PTPN13: variants seen among roughly 807,000 people sequenced by gnomAD.
PTPN13 encodes tyrosine-protein phosphatase non-receptor type 13.
Under a neutral mutation model 284.0 loss-of-function variants are expected in PTPN13, and 191 were observed. The ratio of observed to expected loss-of-function variants is 0.67; its 90% CI spans 0.60 to 0.76. The LOEUF is 0.76. PTPN13 is among the 30% of genes least tolerant of loss of function. The probability of loss-of-function intolerance (pLI) is 0.00; values close to 1 mark genes in which losing one functional copy is unlikely to be tolerated. For synonymous variants in PTPN13, 986 were observed against 1,022.3 expected, an observed-to-expected ratio of 0.96 and a Z score of 0.68; for missense variants, 2,797 against 2,939.9, an observed-to-expected ratio of 0.95 and a Z score of 1.12.
At chr4:86,761,088 A>G (rs912328868) in intron 23 of PTPN13, among the ~76,000 whole-genome samples, 2 of 148,582 alleles carry the variant, frequency 1.3e-5, no homozygotes, top group African/African-American at 4.9e-5. Flanking sequence ...TTTGGCATAC[A>G]TGTAGCCTTC....
chr4:86,676,452 G>A (rs1578394202), intron 3 of PTPN13, among the ~76,000 whole-genome samples: 1 of 152,110 alleles, frequency 6.6e-6, no homozygotes, highest in Non-Finnish European at 1.5e-5. Context: ...GCAGTATAAA[G>A]GTTTCTTAAA....
chr4:86,714,926 A>C (rs931427459), intron 7 of PTPN13, among the ~76,000 whole-genome samples: 1 of 152,182 alleles, frequency 6.6e-6, no homozygotes, highest in Non-Finnish European at 1.5e-5. Context: ...AGGCAACGTG[A>C]AAGTAAGAGG....
rs1321921013 is a variant in PTPN13, at chr4:86,703,122, G to A, written c.1195+1321G>A. ...ATTTGAAATTATGGAGGAAATTATT[G>A]AATAGTTAATTGATATGGGTTCCGA... On this transcript the variant is annotated intron_variant, in intron 7 of 47. Transcript: ENST00000411767. Among the ~76,000 whole-genome samples, 11 of 152,178 alleles carry A rather than the reference G, an allele frequency of 7.2e-5. No individual in the cohort carries two copies. The East Asian group carries it at 2.1e-3, about 29-fold the overall frequency.
At chr4:86,751,161 C>G (rs1367906539) in intron 19 of PTPN13, 37 bp downstream of exon 19, 1 of 1,397,524 alleles carries the variant, frequency 7.2e-7, no homozygotes, top group Non-Finnish European at 1.0e-6. Flanking sequence ...TGTCCCATAC[C>G]TCATGCTCAG....
At chr4:86,595,035 C>A (rs1050977641) in intron 1 of PTPN13, among the ~76,000 whole-genome samples, 3 of 152,024 alleles carry the variant, frequency 2.0e-5, no homozygotes, top group Non-Finnish European at 4.4e-5. Context: ...TTAGGTAGAT[C>A]CATCTCCTCT....
chr4:86,616,292 G>A (rs1720532064), intron 1 of PTPN13, among the ~76,000 whole-genome samples: 1 of 152,190 alleles, frequency 6.6e-6, no homozygotes, highest in South Asian at 2.1e-4. Flanking sequence ...AATGGTATGA[G>A]AGAGTGAGGG....
chr4:86,601,364 C>T (rs1764280884), intron 1 of PTPN13, among the ~76,000 whole-genome samples: 1 of 152,030 alleles, frequency 6.6e-6, no homozygotes. Context: ...AAATGAAAAA[C>T]AGGATATGTG....
At chr4:86,631,677 A>C (rs1311115460) in intron 1 of PTPN13, among the ~76,000 whole-genome samples, 1 of 152,148 alleles carries the variant, frequency 6.6e-6, no homozygotes, top group Non-Finnish European at 1.5e-5. Flanking sequence ...ATACAAAAAA[A>C]GTTTAAATAA....
intron 7 of PTPN13, among the ~76,000 whole-genome samples, chr4:86,714,068 CA>C (rs33992132): frequency 0.12 from 13,472 of 108,748 alleles, 778 homozygotes; most frequent in African/African-American, 0.22. Flanking sequence ...TCTTCAGTGT[CA>C]AAAAAAAAAA....
intron 1 of PTPN13, among the ~76,000 whole-genome samples, chr4:86,624,170 A>G (rs990943694): frequency 6.6e-6 from 1 of 152,004 alleles, no homozygotes; most frequent in Non-Finnish European, 1.5e-5. Context: ...ACTCTCTTGT[A>G]GCTTTATTTT....
chr4:86,729,192 G>A (rs1033274776), intron 10 of PTPN13, among the ~76,000 whole-genome samples: 1 of 149,568 alleles, frequency 6.7e-6, no homozygotes, highest in Non-Finnish European at 1.5e-5. Flanking sequence ...GGCTTGTAGG[G>A]TTTCTGCCGA....
intron 15 of PTPN13, among the ~76,000 whole-genome samples, chr4:86,739,876 G>A (rs1393343374): frequency 6.6e-6 from 1 of 152,150 alleles, no homozygotes; most frequent in African/African-American, 2.4e-5. Flanking sequence ...AAAACAAAGG[G>A]GCTATACAGG....
In PTPN13 at chr4:86,680,341, A is replaced by ATC. The variant is rs1330943545; in HGVS notation, c.295-6367_295-6366dup. On this transcript the variant is annotated intron_variant, in intron 3 of 47. Coordinates refer to ENST00000411767, the MANE Select transcript of PTPN13 (RefSeq NM_080683.3). ...CTTTCCATGTCACATTTTCCTTTCTATCTATCTCTATCTATCTATCTATCT... is the reference window on the plus strand; with the variant it reads ...CTTTCCATGTCACATTTTCCTTTCTATCTCTATCTCTATCTATCTATCTATCT... Among the ~76,000 whole-genome samples the ATC allele has an allele frequency of 2.2e-3, 312 of 140,790 alleles. 4 individuals carry two copies. The highest frequency in any genetic ancestry group is 8.5e-4 in the Non-Finnish European group (55 of 64,722). 92.4% of individuals were successfully genotyped at this position (140,790 alleles called of 152,430 possible).
intron 3 of PTPN13, among the ~76,000 whole-genome samples, chr4:86,680,345 A>G (rs548183732): frequency 7.5e-6 from 1 of 133,938 alleles, no homozygotes; most frequent in African/African-American, 2.8e-5. Flanking sequence ...CTTTCTATCT[A>G]TCTCTATCTA....
At chr4:86,658,895 G>A (rs1211972574) in intron 2 of PTPN13, among the ~76,000 whole-genome samples, 1 of 152,088 alleles carries the variant, frequency 6.6e-6, no homozygotes, top group Non-Finnish European at 1.5e-5. Context: ...AGCAGTCAGA[G>A]AGAAAAAGAA....
intron 20 of PTPN13, among the ~76,000 whole-genome samples, chr4:86,756,880 T>A (rs908911839): frequency 6.6e-6 from 1 of 152,196 alleles, no homozygotes; most frequent in African/African-American, 2.4e-5. Flanking sequence ...CTAAGGAAAT[T>A]CTGGCTTACA....
chr4:86,782,669 T>C (rs1554343332), intron 37 of PTPN13, among the ~76,000 whole-genome samples: 1 of 152,032 alleles, frequency 6.6e-6, no homozygotes, highest in Non-Finnish European at 1.5e-5. Context: ...GTGCAATCAG[T>C]GAGGAAAAAA....
chr4:86,615,330 G>A (rs1720419197), intron 1 of PTPN13, among the ~76,000 whole-genome samples: 2 of 152,006 alleles, frequency 1.3e-5, no homozygotes, highest in South Asian at 2.1e-4. Context: ...AATATTATTA[G>A]TTTCATATGG....
chr4:86,667,440 A>C (rs545772505), intron 2 of PTPN13, among the ~76,000 whole-genome samples: 1 of 152,188 alleles, frequency 6.6e-6, no homozygotes, highest in Non-Finnish European at 1.5e-5. Flanking sequence ...CTTTTGAGGA[A>C]TTAATACAGC....
Sources: allele counts gnomAD v4.1 joint callset (sites outside exome capture counted in the v4.1 genomes callset), GRCh38; gene constraint gnomAD v4.1.1; transcripts MANE v1.5; gene names NCBI Gene and HGNC (gene_info 2026-07-23, HGNC 2026-07-21).